MARCHF1: variants seen among roughly 807,000 people sequenced by gnomAD.
MARCHF1 encodes the protein E3 ubiquitin-protein ligase MARCHF1.
MARCHF1 carries 40 observed loss-of-function variants against 54.2 expected under a neutral mutation model. That is an observed-to-expected ratio of 0.74 (90% confidence interval 0.57 to 0.96). The LOEUF (loss-of-function observed/expected upper bound fraction) is 0.96. Ranked by LOEUF, MARCHF1 falls within the 40% of genes least tolerant of loss-of-function variation. The pLI is 0.00. For missense variants in MARCHF1, 586 were observed against 656.5 expected (o/e 0.89, Z 1.17); for synonymous variants, 236 against 236.3 (o/e 1.00, Z 0.01).
chr4:163,627,945 T>C (rs1487242328), intron 5 of MARCHF1, among the ~76,000 whole-genome samples: 2 of 151,972 alleles, frequency 1.3e-5, no homozygotes, highest in Non-Finnish European at 2.9e-5. Context: ...AAATGATTCA[T>C]AGAACTAAAC....
chr4:163,541,111 C>T (rs891179951), intron 9 of MARCHF1, among the ~76,000 whole-genome samples: 1 of 152,212 alleles, frequency 6.6e-6, no homozygotes, highest in African/African-American at 2.4e-5. Flanking sequence ...AGTGTTTATT[C>T]TTTTTGGGTT....
chr4:163,822,835 A>G (rs1048740636), intron 4 of MARCHF1, among the ~76,000 whole-genome samples: 5 of 151,850 alleles, frequency 3.3e-5, no homozygotes, highest in Non-Finnish European at 7.4e-5. Flanking sequence ...TTCTAAGTGT[A>G]TATTTGTACC....
At chr4:163,996,507 C>T (rs1034251572) in intron 2 of MARCHF1, among the ~76,000 whole-genome samples, 1 of 151,816 alleles carries the variant, frequency 6.6e-6, no homozygotes, top group Non-Finnish European at 1.5e-5. Flanking sequence ...TTTTTGTGTT[C>T]TTGGAAGAAT....
At chr4:164,243,188 A>C (rs1732828761) in intron 1 of MARCHF1, among the ~76,000 whole-genome samples, 2 of 139,364 alleles carry the variant, frequency 1.4e-5, no homozygotes, top group Non-Finnish European at 3.1e-5. Flanking sequence ...AGATTCACCA[A>C]AGTTGAAATG....
At chr4:163,816,894 T>G (rs1748548614) in intron 4 of MARCHF1, among the ~76,000 whole-genome samples, 1 of 151,990 alleles carries the variant, frequency 6.6e-6, no homozygotes, top group Non-Finnish European at 1.5e-5. Context: ...ACCCCACCAC[T>G]GCCAGCAATC....
chr4:164,129,820 A>G (rs1756264101), intron 1 of MARCHF1, among the ~76,000 whole-genome samples: 2 of 152,136 alleles, frequency 1.3e-5, no homozygotes, highest in South Asian at 4.1e-4. Context: ...AAGGAAGAAT[A>G]GCTAATGGAT....
chr4:163,696,687 G>A (rs1232538678), intron 5 of MARCHF1, among the ~76,000 whole-genome samples: 1 of 152,126 alleles, frequency 6.6e-6, no homozygotes, highest in Non-Finnish European at 1.5e-5. Flanking sequence ...TATGATCTAT[G>A]TTTTCTAGCT....
At chr4:163,639,218 A>G (rs1006248940) in intron 5 of MARCHF1, among the ~76,000 whole-genome samples, 1 of 152,202 alleles carries the variant, frequency 6.6e-6, no homozygotes, top group Non-Finnish European at 1.5e-5. Flanking sequence ...TCAGAGCAGG[A>G]AAGATGAGAT....
chr4:164,229,910 C>T (rs1483854180), intron 1 of MARCHF1, among the ~76,000 whole-genome samples: 1 of 152,098 alleles, frequency 6.6e-6, no homozygotes, highest in African/African-American at 2.4e-5. Flanking sequence ...TCCAATCACC[C>T]CGCACTAAAC....
At chr4:163,770,468 G>A (rs1158613606) in intron 4 of MARCHF1, among the ~76,000 whole-genome samples, 1 of 151,716 alleles carries the variant, frequency 6.6e-6, no homozygotes. Context: ...AGGAGAATTA[G>A]TACTGGTACA....
At chr4:164,320,276 T>G (rs1252784005) in intron 1 of MARCHF1, among the ~76,000 whole-genome samples, 1 of 152,184 alleles carries the variant, frequency 6.6e-6, no homozygotes, top group Non-Finnish European at 1.5e-5. Flanking sequence ...ATTAGGGAAT[T>G]AAGTCCAAAA....
chr4:164,006,057 G>A lies in MARCHF1; in HGVS notation c.-247-17348C>T, dbSNP rs143408192. Among the ~76,000 whole-genome samples, 22 of 151,326 alleles carry A rather than the reference G, an allele frequency of 1.5e-4. 1 individual carries two copies. Among genetic ancestry groups the A allele is most frequent in the Non-Finnish European group, 2.9e-5 (2 of 67,872 alleles). On this transcript the variant is annotated intron_variant, in intron 2 of 9. Transcript: ENST00000514618. ...AGCAAAGATATAGATGTATACCCAC[G>A]AGAAACAAACAAACAAACAAAAAAA...
At chr4:164,116,365 A>G (rs1387840838) in intron 1 of MARCHF1, among the ~76,000 whole-genome samples, 1 of 152,222 alleles carries the variant, frequency 6.6e-6, no homozygotes, top group Non-Finnish European at 1.5e-5. Context: ...ATAAAGGGCA[A>G]ATAACTAACT....
chr4:163,530,718 A>C (rs1006781346), intron 9 of MARCHF1: 18 of 152,096 alleles, frequency 1.2e-4, no homozygotes, highest in African/African-American at 4.3e-4. Context: ...GTTTTTGAGT[A>C]GATTAAATAT....
At chr4:163,637,167 A>T (rs1325554864) in intron 5 of MARCHF1, among the ~76,000 whole-genome samples, 1 of 152,092 alleles carries the variant, frequency 6.6e-6, no homozygotes, top group African/African-American at 2.4e-5. Context: ...AGGCTTTACC[A>T]TTCAGGACAT....
intron 1 of MARCHF1, among the ~76,000 whole-genome samples, chr4:164,311,209 T>C (rs907881813): frequency 6.6e-6 from 1 of 152,128 alleles, no homozygotes; most frequent in African/African-American, 2.4e-5. Context: ...ACTGATCTAT[T>C]GTTAGGATGA....
At chr4:164,350,094 A>G (rs141843162) in intron 1 of MARCHF1, among the ~76,000 whole-genome samples, 1,935 of 152,340 alleles carry the variant, frequency 0.013, 34 homozygotes, top group African/African-American at 0.044. Context: ...GAATAAGAAC[A>G]TCTATTTAAA....
At chr4:164,261,801 C>T (rs981741554) in intron 1 of MARCHF1, among the ~76,000 whole-genome samples, 1 of 152,126 alleles carries the variant, frequency 6.6e-6, no homozygotes, top group Admixed American at 6.6e-5. Context: ...CTAATATATT[C>T]TCAGTTGATT....
intron 3 of MARCHF1, among the ~76,000 whole-genome samples, chr4:163,872,883 A>G (rs1289988737): frequency 6.6e-6 from 1 of 152,062 alleles, no homozygotes; most frequent in Non-Finnish European, 1.5e-5. Flanking sequence ...CCTCTACTAA[A>G]AATACAAAAA....
Sources: gnomAD v4.1 joint callset for allele counts (sites outside exome capture counted in the v4.1 genomes callset) on GRCh38, gnomAD v4.1.1 for gene constraint, MANE v1.5 for transcripts, NCBI Gene and HGNC (gene_info 2026-07-23, HGNC 2026-07-21) for gene names.